The following UNC5A variants were observed in gnomAD, a reference collection of about 807,000 sequenced individuals.
UNC5A encodes netrin receptor UNC5A.
Under a neutral mutation model 87.4 loss-of-function variants are expected in UNC5A, and 20 were observed. That is an observed-to-expected ratio of 0.23 (90% CI 0.16 to 0.33). The LOEUF is 0.33. UNC5A is among the 10% of genes least tolerant of loss of function. UNC5A has a pLI of 1.00. For missense variants in UNC5A, 844 were observed against 1,133.4 expected, an observed-to-expected ratio of 0.74 and a Z score of 3.67; for synonymous variants, 438 against 482.3, an observed-to-expected ratio of 0.91 and a Z score of 1.20.
Position 176,865,229 on chromosome 5 carries a change from C to G in UNC5A, c.292+2384C>G, listed in dbSNP as rs545850664. Among the ~76,000 whole-genome samples, 3 of 152,358 alleles carry G rather than the reference C, an allele frequency of 2.0e-5. 1 individual carries two copies. The South Asian group carries it at 6.2e-4, about 32-fold the overall frequency. Reference sequence around the variant, plus strand: ...GAAAGCACAGCCAGAGAGCTGCTCTCCTGCAGCCTGGAAGCTCCAGTCCAG... The same window carrying G: ...GAAAGCACAGCCAGAGAGCTGCTCTGCTGCAGCCTGGAAGCTCCAGTCCAG... On this transcript the variant is annotated intron_variant, in intron 2 of 14. Coordinates refer to ENST00000329542, the MANE Select transcript of UNC5A (RefSeq NM_133369.3). This position sits in a 1 kb window ranked among gnomAD's most constrained non-coding sequence, Gnocchi z 5.3.
chr5:176,866,395 G>A lies in UNC5A; in HGVS notation c.293-1735G>A, dbSNP rs2149365632. On this transcript the variant is annotated intron_variant, in intron 2 of 14. Transcript: ENST00000329542. The surrounding 1 kb of genome is among the most constrained non-coding windows in gnomAD (Gnocchi z 5.0). ...TGGCCCTCACTCATGCAAGTGAGAG[G>A]GAGGAGAGGAGGTGGCAGGACAGAA... Among the ~76,000 whole-genome samples the A allele has an allele frequency of 6.6e-6, 1 of 152,302 alleles. No homozygotes were observed. Among genetic ancestry groups the A allele is most frequent in the African/African-American group, 2.4e-5 (1 of 41,572 alleles).
rs2113593590 is a variant in UNC5A, at chr5:176,824,494, C to A, written c.70+13674C>A. On this transcript the variant is annotated intron_variant, in intron 1 of 14. Transcript: ENST00000329542. The surrounding 1 kb of genome is among the most constrained non-coding windows in gnomAD (Gnocchi z 4.2). ...ATGATGATGTGAGCAAAGCGCCCACCCAGAGGTAGCAAGGTGGCAGCAGGC... is the reference window on the plus strand; with the variant it reads ...ATGATGATGTGAGCAAAGCGCCCACACAGAGGTAGCAAGGTGGCAGCAGGC... Among the ~76,000 whole-genome samples the A allele has an allele frequency of 6.6e-6, 1 of 152,132 alleles. No individual in the cohort carries two copies. Among genetic ancestry groups the A allele is most frequent in the Admixed American group, 6.5e-5 (1 of 15,292 alleles).
At position 176,863,067 on chromosome 5, in the gene UNC5A, C is replaced by T. The variant is rs144384530; in HGVS notation, c.292+222C>T. Among the ~76,000 whole-genome samples the T allele has an allele frequency of 5.3e-5, 8 of 152,320 alleles. No individual in the cohort carries two copies. The East Asian group carries it at 9.6e-4, about 18-fold the overall frequency. On this transcript the variant is annotated intron_variant, in intron 2 of 14. Coordinates refer to ENST00000329542, the MANE Select transcript of UNC5A (RefSeq NM_133369.3). ...ACATTCAGTGATTGTTTTCTTTGTG[C>T]GTCGGTTCATTCGATCAGTCAGGCA...
intron 1 of UNC5A, among the ~76,000 whole-genome samples, chr5:176,842,537 G>A (rs1281161852): frequency 1.3e-5 from 2 of 148,732 alleles, no homozygotes; most frequent in African/African-American, 5.2e-5. Flanking sequence ...GCCATAAAAA[G>A]GAATGAATTA....
At chr5:176,820,381 AGTGAGACTCC>A (rs1364833899) in intron 1 of UNC5A, among the ~76,000 whole-genome samples, 3 of 151,986 alleles carry the variant, frequency 2.0e-5, no homozygotes, top group Non-Finnish European at 4.4e-5. Flanking sequence ...TGGGTGAGAG[AGTGAGACTCC>A]GTCTCAAAAA....
intron 1 of UNC5A, among the ~76,000 whole-genome samples, chr5:176,812,016 A>G (rs1298261479): frequency 1.3e-5 from 2 of 151,988 alleles, no homozygotes; most frequent in Non-Finnish European, 2.9e-5. Context: ...TGCACCCACC[A>G]CTGCCTGACC....
chr5:176,868,088 G>C (rs760434121), intron 2 of UNC5A, 42 bp from the exon 3 acceptor site: 1 of 1,595,614 alleles, frequency 6.3e-7, no homozygotes, highest in South Asian at 1.1e-5. Flanking sequence ...AGAAGCTCAG[G>C]GTGGCCCTGG....
rs927706463 is a variant in UNC5A, at chr5:176,848,994, C to G, written c.71-13630C>G. Among the ~76,000 whole-genome samples, 8 of 152,194 alleles carry G rather than the reference C, an allele frequency of 5.3e-5. No individual in the cohort carries two copies. The highest frequency in any genetic ancestry group is 8.8e-5 in the Non-Finnish European group (6 of 68,038). ...AGGCCCAGGGGCCTTCTTTTGGGGG[C>G]TCTGATGAGGAGGGTTCCCAGGAAT... On this transcript the variant is annotated intron_variant, in intron 1 of 14. Transcript: ENST00000329542. The surrounding 1 kb of genome is among the most constrained non-coding windows in gnomAD (Gnocchi z 5.8).
chr5:176,877,450 T>C, intron 9 of UNC5A, 85 bp from the exon 10 acceptor site: 1 of 1,470,002 alleles, frequency 6.8e-7, no homozygotes, highest in Non-Finnish European at 9.2e-7. Flanking sequence ...CCTGGGATGC[T>C]GCTGCCCTGC....
At chr5:176,876,880 G>A (rs1487407600) in intron 8 of UNC5A, among the ~76,000 whole-genome samples, 2 of 152,190 alleles carry the variant, frequency 1.3e-5, no homozygotes, top group African/African-American at 4.8e-5. Flanking sequence ...GGGATACCCT[G>A]GTCCCCTCCA....
At chr5:176,837,802 A>G (rs527304117) in intron 1 of UNC5A, among the ~76,000 whole-genome samples, 2 of 152,112 alleles carry the variant, frequency 1.3e-5, no homozygotes, top group East Asian at 1.9e-4. Flanking sequence ...CAGGCGCTCC[A>G]CAGATAGCGG....
intron 1 of UNC5A, among the ~76,000 whole-genome samples, chr5:176,843,271 G>A (rs1561650954): frequency 6.6e-6 from 1 of 152,210 alleles, no homozygotes; most frequent in Non-Finnish European, 1.5e-5. Context: ...CCACACGGTG[G>A]GGCACTGCCC....
intron 1 of UNC5A, among the ~76,000 whole-genome samples, chr5:176,822,499 C>T (rs911153962): frequency 1.3e-5 from 2 of 152,300 alleles, no homozygotes; most frequent in East Asian, 1.9e-4. Flanking sequence ...GGAAGGTTGG[C>T]GTGGTGAAGG....
intron 1 of UNC5A, among the ~76,000 whole-genome samples, chr5:176,817,953 G>A (rs1756634083): frequency 6.6e-6 from 1 of 152,060 alleles, no homozygotes; most frequent in Non-Finnish European, 1.5e-5. Flanking sequence ...CCCGCCCGCG[G>A]CCGCCCGCCG....
chr5:176,871,836 C>G (rs1758120789), intron 6 of UNC5A, among the ~76,000 whole-genome samples: 1 of 29,758 alleles, frequency 3.4e-5, no homozygotes, highest in African/African-American at 1.2e-4. Context: ...CCCACACTCG[C>G]CCCAACACCA....
chr5:176,874,180 A>T lies in UNC5A; in HGVS notation c.1075+24A>T. Reference sequence around the variant, plus strand: ...AGGTGAGGGGCCCCGTGCCCCCAGCACTCCTGCCCCAGCTCCCACGCCAAG... The same window carrying T: ...AGGTGAGGGGCCCCGTGCCCCCAGCTCTCCTGCCCCAGCTCCCACGCCAAG... On this transcript the variant is annotated intron_variant, in intron 7 of 14. Coordinates refer to ENST00000329542, the MANE Select transcript of UNC5A (RefSeq NM_133369.3). This position sits in a 1 kb window ranked among gnomAD's most constrained non-coding sequence, Gnocchi z 7.6. 1 of 1,607,916 alleles carries T rather than the reference A, an allele frequency of 6.2e-7. No individual in the cohort carries two copies. The highest frequency in any genetic ancestry group is 1.7e-5 in the Admixed American group (1 of 59,750).
chr5:176,814,596 A>G (rs1756544846), intron 1 of UNC5A, among the ~76,000 whole-genome samples: 1 of 152,088 alleles, frequency 6.6e-6, no homozygotes, highest in Non-Finnish European at 1.5e-5. Context: ...TCCCCTGCAA[A>G]GGGGTCCTGG....
rs1246353053 is a variant in UNC5A at position 176,879,539 on chromosome 5, C to T, written c.2363+51C>T. ...CCTGCGCAGGCCACCGACAGTCCTG[C>T]CCGGCGGCGGGGTGGGTGAGGTGGA... is the stretch of plus-strand genomic sequence containing the variant. On this transcript the variant is annotated intron_variant, in intron 14 of 14. Transcript: ENST00000329542. 2.6e-6 allele frequency: 4 copies of T among 1,557,730 alleles called. No homozygotes were observed. In the African/African-American group the frequency reaches 4.1e-5, roughly 16 times the overall value.
intron 2 of UNC5A, among the ~76,000 whole-genome samples, chr5:176,863,962 C>G (rs939872473): frequency 6.6e-6 from 1 of 150,998 alleles, no homozygotes; most frequent in African/African-American, 2.4e-5. Flanking sequence ...AGGGGTAGTC[C>G]TGAGCCCCCT....
Sources: allele counts gnomAD v4.1 joint callset (sites outside exome capture counted in the v4.1 genomes callset), GRCh38; gene constraint gnomAD v4.1.1; non-coding constraint Gnocchi (gnomAD v3.1); transcripts MANE v1.5; gene names NCBI Gene and HGNC (gene_info 2026-07-23, HGNC 2026-07-21).